Variants in SUCO observed in about 807,000 individuals in gnomAD.
SUCO encodes the protein SUN domain containing ossification factor.
SUCO carries 57 observed loss-of-function variants against 148.1 expected under a neutral mutation model. The observed-to-expected ratio is 0.38, with a 90% CI of 0.31 to 0.48. SUCO has a LOEUF of 0.48. Ranked by LOEUF, SUCO falls within the 20% of genes least tolerant of loss-of-function variation. The pLI is 0.96. For missense variants in SUCO, 1,331 were observed against 1,468.2 expected (o/e 0.91, Z 1.53); for synonymous variants, 470 against 502.7 (o/e 0.93, Z 0.87).
rs747852472 is a variant in SUCO at position 172,555,937 on chromosome 1, G to GTCT, written c.360_362dup (p.Ser121dup). ...TCCCTACAGTTGATTTGCATGAAGAGTCTTCCAATGCAGTTGTGGACAGTG... is the reference window on the plus strand; with the variant it reads ...TCCCTACAGTTGATTTGCATGAAGAGTCTTCTTCCAATGCAGTTGTGGACAGTG... On this transcript the variant is annotated inframe_insertion, in exon 4 of 24. Transcript: ENST00000263688. The GTCT allele has an allele frequency of 2.5e-6, 4 of 1,613,562 alleles. No homozygotes were observed. The highest frequency in any genetic ancestry group is 3.4e-6 in the Non-Finnish European group (4 of 1,179,708).
rs1658138920 is a variant in SUCO at position 172,610,300 on chromosome 1, G to T, written c.*41G>T. ...TCATACAGAAGACTTTTTTGTTGTT[G>T]TTCTTTGAAGAACAGTCTGTAGTAT... On this transcript the variant is annotated 3_prime_UTR_variant, in exon 24 of 24. Coordinates refer to ENST00000263688, the MANE Select transcript of SUCO (RefSeq NM_014283.5). 1 of 1,531,060 alleles carries T rather than the reference G, an allele frequency of 6.5e-7. No individual in the cohort carries two copies. Among genetic ancestry groups the T allele is most frequent in the Non-Finnish European group, 8.7e-7 (1 of 1,143,908 alleles). 94.8% of individuals were successfully genotyped at this position (1,531,060 alleles called of 1,614,324 possible). A position where few individuals can be genotyped will look rare whatever the true frequency, so the allele number is the denominator to read the frequency against.
intron 9 of SUCO, among the ~76,000 whole-genome samples, chr1:172,571,216 G>C (rs563497332): frequency 6.6e-6 from 1 of 152,222 alleles, no homozygotes; most frequent in African/African-American, 2.4e-5. Context: ...GCGCCACCAC[G>C]CCTGACTGGT....
At chr1:172,586,044 A>G in intron 17 of SUCO, 96 bp downstream of exon 17, 1 of 775,996 alleles carries the variant, frequency 1.3e-6, no homozygotes. Flanking sequence ...GTGTGAAATG[A>G]TTACCTGTAG....
Position 172,533,309 on chromosome 1 carries a change from C to A in SUCO, c.-127C>A, listed in dbSNP as rs1172582827. 1.0e-5 allele frequency: 16 copies of A among 1,550,606 alleles called. No homozygotes were observed. Among genetic ancestry groups the A allele is most frequent in the Non-Finnish European group, 1.4e-5 (16 of 1,146,958 alleles). On this transcript the variant is annotated 5_prime_UTR_variant, in exon 1 of 24. Coordinates refer to ENST00000263688, the MANE Select transcript of SUCO (RefSeq NM_014283.5). The stretch of plus-strand genomic sequence containing the variant: ...AGCCACTGAGGAGCCGCTCAGCCAG[C>A]GCCATAGCCCTTAGGACTATCGGTC...
chr1:172,559,420 C>T (rs545131415), intron 6 of SUCO, among the ~76,000 whole-genome samples: 19 of 152,244 alleles, frequency 1.2e-4, no homozygotes, highest in Admixed American at 6.5e-4. Flanking sequence ...CTCAATGTAT[C>T]TGATGCAGGA....
At chr1:172,551,844 C>T (rs1329665805) in intron 2 of SUCO, 1 of 455,504 alleles carries the variant, frequency 2.2e-6, no homozygotes, top group African/African-American at 2.0e-5. Flanking sequence ...TTGTAACATC[C>T]TTAGTCCTGT....
intron 6 of SUCO, among the ~76,000 whole-genome samples, chr1:172,567,392 C>T (rs1367399892): frequency 2.6e-5 from 4 of 152,154 alleles, no homozygotes. Context: ...AGATTGGATG[C>T]CCTTCCTCAG....
intron 6 of SUCO, among the ~76,000 whole-genome samples, chr1:172,565,585 C>T (rs972192509): frequency 5.0e-4 from 76 of 152,264 alleles, no homozygotes; most frequent in African/African-American, 1.7e-3. Flanking sequence ...AACCCTAGTG[C>T]ACCCCGGGTG....
chr1:172,579,228 G>A lies in SUCO; in HGVS notation c.1459G>A (p.Glu487Lys), dbSNP rs748078620. 2 of 1,599,100 alleles carry A rather than the reference G, an allele frequency of 1.3e-6. No homozygotes were observed. Among genetic ancestry groups the A allele is most frequent in the Admixed American group, 1.7e-5 (1 of 59,264 alleles). ...TTATCCACTGGATTATAATACTGGA[G>A]AGGATAAATCCTCAAAAAATCTTCT... ...YDYPLDYNTGEDKSSKNLLGS... is the reference protein window; with the variant it reads ...YDYPLDYNTGKDKSSKNLLGS... Residue 487 changes from glutamate (E) to lysine (K), a missense_variant, in exon 15 of 24, where the codon GAG (glutamate) becomes AAG (lysine). Physicochemically the swap from Glu to Lys is moderately conservative, Grantham distance 56. Transcript: ENST00000263688.
intron 17 of SUCO, among the ~76,000 whole-genome samples, chr1:172,587,515 A>G (rs1656327012): frequency 6.6e-6 from 1 of 152,088 alleles, no homozygotes; most frequent in African/African-American, 2.4e-5. Flanking sequence ...TTTTACTGTC[A>G]TAAATTATTT....
chr1:172,580,042 T>A (rs912965762), intron 15 of SUCO, among the ~76,000 whole-genome samples: 2 of 152,188 alleles, frequency 1.3e-5, no homozygotes, highest in African/African-American at 4.8e-5. Flanking sequence ...TCTGTGAACA[T>A]TGACTTTGTA....
At position 172,557,279 on chromosome 1, in the gene SUCO, G is replaced by T; in HGVS notation, c.444-1G>T. 1 of 1,606,558 alleles carries T rather than the reference G, an allele frequency of 6.2e-7. No homozygotes were observed. The highest frequency in any genetic ancestry group is 1.7e-5 in the Admixed American group (1 of 58,504). Reference sequence around the variant, plus strand: ...ATTATGTTTCTTGTTTCTTTTTTTAGTGAAATAGAAAAATCTGGTACTATT... The same window carrying T: ...ATTATGTTTCTTGTTTCTTTTTTTATTGAAATAGAAAAATCTGGTACTATT... On this transcript the variant is annotated splice_acceptor_variant, in intron 4 of 23. Coordinates refer to ENST00000263688, the MANE Select transcript of SUCO (RefSeq NM_014283.5). LOFTEE classifies it high-confidence loss of function.
chr1:172,559,475 C>CT (rs1424570838), intron 6 of SUCO, among the ~76,000 whole-genome samples: 1 of 152,128 alleles, frequency 6.6e-6, no homozygotes, highest in Non-Finnish European at 1.5e-5. Flanking sequence ...GGGTTCTTGG[C>CT]TTAGCCCAGG....
chr1:172,595,848 C>T (rs1032884392), intron 19 of SUCO, among the ~76,000 whole-genome samples: 9 of 152,164 alleles, frequency 5.9e-5, no homozygotes, highest in Non-Finnish European at 7.3e-5. Context: ...GGGAAGTTCT[C>T]GTGGATAATA....
At chr1:172,568,506 T>C (rs1411734492) in intron 6 of SUCO, 1 of 889,736 alleles carries the variant, frequency 1.1e-6, no homozygotes, top group Non-Finnish European at 1.3e-6. Context: ...TTTATAAAGA[T>C]TTTTAAATTT....
Position 172,602,140 on chromosome 1 carries a change from G to T in SUCO, c.3095G>T (p.Arg1032Leu). The change falls in exon 21 of 24, where the codon CGT becomes CTT. Residue 1032 changes from arginine to leucine, a missense_variant. By Grantham distance (102) the Arg-to-Leu change is moderately radical. This residue lies in a region of SUCO where 334 missense variants were observed against 352.3 expected (regional missense o/e 0.95). Coordinates refer to ENST00000263688, the MANE Select transcript of SUCO (RefSeq NM_014283.5). ...VVLGLMLCMQ[R>L]CRNTSQFDGD... ...TTGGGACTGATGCTTTGTATGCAGC[G>T]TTGTCGAAATACTTCTCAATTTGAT... 2 of 1,613,578 alleles carry T rather than the reference G, an allele frequency of 1.2e-6. No homozygotes were observed. The highest frequency in any genetic ancestry group is 2.2e-5 in the South Asian group (2 of 91,064).
intron 3 of SUCO, among the ~76,000 whole-genome samples, chr1:172,554,134 G>C (rs927199242): frequency 6.6e-6 from 1 of 152,078 alleles, no homozygotes; most frequent in African/African-American, 2.4e-5. Context: ...GCAAGAGCCA[G>C]GGCTATTTTA....
intron 9 of SUCO, among the ~76,000 whole-genome samples, chr1:172,571,330 G>C (rs1654962798): frequency 6.6e-6 from 1 of 152,218 alleles, no homozygotes; most frequent in Admixed American, 6.5e-5. Flanking sequence ...CGAGGTGCCG[G>C]GATTGCAGAC....
At chr1:172,596,488 T>G (rs1657107316) in intron 19 of SUCO, among the ~76,000 whole-genome samples, 1 of 152,232 alleles carries the variant, frequency 6.6e-6, no homozygotes, top group Admixed American at 6.5e-5. Flanking sequence ...TCCTGTTTGG[T>G]AGTTTTCCTT....
Sources: allele counts gnomAD v4.1 joint callset (sites outside exome capture counted in the v4.1 genomes callset), GRCh38; gene constraint gnomAD v4.1.1; regional missense constraint gnomAD v4.1.1; transcripts MANE v1.5; gene names NCBI Gene and HGNC (gene_info 2026-07-23, HGNC 2026-07-21).